Variants in PCM1 observed in about 807,000 individuals in gnomAD.
PCM1 encodes the protein pericentriolar material 1 protein.
PCM1 carries 157 observed loss-of-function variants against 241.9 expected under a neutral mutation model. The observed-to-expected ratio is 0.65, with a 90% confidence interval of 0.57 to 0.74. PCM1 has a LOEUF of 0.74. Ranked by LOEUF, PCM1 falls within the 30% of genes least tolerant of loss-of-function variation. The probability of loss-of-function intolerance (pLI) is 0.00; values close to 1 mark genes in which losing one functional copy is unlikely to be tolerated. For missense variants in PCM1, 3,478 were observed against 2,360.1 expected, an observed-to-expected ratio of 1.47 and a Z score of -9.81; for synonymous variants, 1,085 against 784.9, an observed-to-expected ratio of 1.38 and a Z score of -6.39.
chr8:17,946,157 G>T (rs6586673), intron 6 of PCM1, among the ~76,000 whole-genome samples: 30,525 of 151,900 alleles, frequency 0.2, 3,938 homozygotes, highest in East Asian at 0.38. Flanking sequence ...TTTTGTAAGT[G>T]CCACTTATTT....
At chr8:17,966,524 A>G (rs2129469724) in intron 20 of PCM1, 51 bp downstream of exon 20, 1 of 1,544,080 alleles carries the variant, frequency 6.5e-7, no homozygotes, top group East Asian at 2.3e-5. Context: ...AACATTGAGC[A>G]GAGGTTTTAC....
chr8:17,968,049 C>T (rs1440128050), intron 21 of PCM1, among the ~76,000 whole-genome samples: 1 of 140,566 alleles, frequency 7.1e-6, no homozygotes, highest in Admixed American at 6.8e-5. Context: ...AAATCAGTTC[C>T]GCCGCCAAAA....
intron 7 of PCM1, among the ~76,000 whole-genome samples, chr8:17,949,250 C>A (rs889468189): frequency 6.6e-6 from 1 of 151,962 alleles, no homozygotes; most frequent in South Asian, 2.1e-4. Context: ...TGGAAAGCTA[C>A]AATTACAGTA....
chr8:17,957,070 C>G (rs1302694637), intron 11 of PCM1, among the ~76,000 whole-genome samples, 194 bp from the exon 12 acceptor site: 1 of 152,076 alleles, frequency 6.6e-6, no homozygotes, highest in African/African-American at 2.4e-5. Context: ...TTCATTTTTT[C>G]AGATGTTTTT....
At chr8:18,013,155 G>A (rs367983379) in intron 34 of PCM1, among the ~76,000 whole-genome samples, 7 of 152,040 alleles carry the variant, frequency 4.6e-5, no homozygotes, top group Non-Finnish European at 5.9e-5. Flanking sequence ...CTTCACTGTC[G>A]TCCTGCCTGG....
intron 12 of PCM1, 48 bp downstream of exon 12, chr8:17,957,469 A>G (rs752549048): frequency 6.2e-7 from 1 of 1,607,282 alleles, no homozygotes; most frequent in Non-Finnish European, 8.5e-7. Flanking sequence ...TATTCTTACA[A>G]AGTGGGTTTT....
chr8:17,972,553 C>G lies in PCM1; in HGVS notation c.3809C>G (p.Pro1270Arg). 6.2e-7 allele frequency: 1 copy of G among 1,613,704 alleles called. No homozygotes were observed. The highest frequency in any genetic ancestry group is 8.5e-7 in the Non-Finnish European group (1 of 1,179,706). Residue 1270 changes from proline (P) to arginine (R), a missense_variant, in exon 23 of 39, where the codon CCA (proline) becomes CGA (arginine). Physicochemically the swap from Pro to Arg is moderately radical, Grantham distance 103 (BLOSUM62 -2). Transcript: ENST00000325083. The stretch of plus-strand genomic sequence containing the variant: ...AGCAGTATGCCTGATCCAGTAGATC[C>G]AACAACAGTGACTAAAACATTCAAG... ...SFSSMPDPVDPTTVTKTFKTR... is the reference protein window; with the variant it reads ...SFSSMPDPVDRTTVTKTFKTR...
At chr8:17,993,384 A>G (rs2085468279) in intron 28 of PCM1, 99 bp from the exon 29 acceptor site, 1 of 800,104 alleles carries the variant, frequency 1.2e-6, no homozygotes, top group African/African-American at 1.8e-5. Context: ...TGTTAGCATA[A>G]AATCATCAAA....
rs901733855 is a variant in PCM1 at position 17,991,427 on chromosome 8, G to T, written c.4532-115G>T. The T allele has an allele frequency of 9.0e-6, 7 of 781,334 alleles. No individual in the cohort carries two copies. In the African/African-American group the frequency reaches 1.2e-4, roughly 14 times the overall value. The allele number at this position is 781,334 out of a possible 1,614,324, so 48.4% of individuals were successfully genotyped here. A position where few individuals can be genotyped will look rare whatever the true frequency, so the allele number is the denominator to read the frequency against. ...TCAAGTAGTATAGTGTGTAGAACTTGTTAAAGCTAATTTTCCTCCCTTTTG... is the reference window on the plus strand; with the variant it reads ...TCAAGTAGTATAGTGTGTAGAACTTTTTAAAGCTAATTTTCCTCCCTTTTG... On this transcript the variant is annotated intron_variant, in intron 27 of 38. Coordinates refer to ENST00000325083, the MANE Select transcript of PCM1 (RefSeq NM_006197.4).
At chr8:17,986,922 C>A (rs975332031) in intron 26 of PCM1, among the ~76,000 whole-genome samples, 7 of 151,912 alleles carry the variant, frequency 4.6e-5, no homozygotes, top group African/African-American at 1.7e-4. Flanking sequence ...AGTGTTAATA[C>A]TAAGTTTTTT....
chr8:17,936,880 T>C (rs894627068), intron 3 of PCM1, among the ~76,000 whole-genome samples: 1 of 152,198 alleles, frequency 6.6e-6, no homozygotes, highest in Non-Finnish European at 1.5e-5. Flanking sequence ...GGGTTGGCAT[T>C]TGAGGATTTG....
chr8:18,022,988 T>C (rs987761914), intron 36 of PCM1, among the ~76,000 whole-genome samples: 10 of 150,208 alleles, frequency 6.7e-5, no homozygotes, highest in African/African-American at 2.3e-4. Flanking sequence ...CATAGAAGTG[T>C]TTTTTTATTC....
Position 17,967,256 on chromosome 8 carries a change from T to G in PCM1, c.3412+86T>G, listed in dbSNP as rs180830538. 1,994 of 958,622 alleles carry G rather than the reference T, an allele frequency of 2.1e-3. 9 individuals are homozygous for G. The highest frequency in any genetic ancestry group is 2.3e-3 in the Non-Finnish European group (1,533 of 655,224). 59.4% of individuals were successfully genotyped at this position (958,622 alleles called of 1,614,324 possible). A position where few individuals can be genotyped will look rare whatever the true frequency, so the allele number is the denominator to read the frequency against. Reference sequence around the variant, plus strand: ...TGTCTATTGCCTAGATGTTTTAACATTTTCTTTTGGAGTGGGGTAGGAAAT... The same window carrying G: ...TGTCTATTGCCTAGATGTTTTAACAGTTTCTTTTGGAGTGGGGTAGGAAAT... On this transcript the variant is annotated intron_variant, in intron 21 of 38. Transcript: ENST00000325083.
intron 9 of PCM1, 106 bp from the exon 10 acceptor site, chr8:17,955,364 G>C: frequency 1.4e-6 from 1 of 698,980 alleles, no homozygotes; most frequent in Non-Finnish European, 2.3e-6. Context: ...CAGAAATTAA[G>C]TTGTTAATTT....
chr8:17,987,986 A>G (rs905292658), intron 26 of PCM1, among the ~76,000 whole-genome samples: 1 of 151,734 alleles, frequency 6.6e-6, no homozygotes, highest in Non-Finnish European at 1.5e-5. Context: ...TTACAAACGT[A>G]TATTAAGATG....
chr8:17,955,162 T>C (rs1044035507), intron 9 of PCM1, among the ~76,000 whole-genome samples: 2 of 152,140 alleles, frequency 1.3e-5, no homozygotes, highest in African/African-American at 4.8e-5. Flanking sequence ...ACTTCTCTAG[T>C]TAGTTTTCCA....
rs114905040 is a variant in PCM1, at chr8:17,989,584, C to T, written c.4411-275C>T. 7.6e-3 allele frequency among the ~76,000 whole-genome samples: 1,152 copies of T among 151,934 alleles called. 10 individuals carry two copies. Among genetic ancestry groups the T allele is most frequent in the African/African-American group, 0.027 (1,106 of 41,486 alleles). On this transcript the variant is annotated intron_variant, in intron 26 of 38. Transcript: ENST00000325083. ...GAAATAATGTAAAATGTTAACTTTG[C>T]CAAATTAGAATTTAATCAGTAGCTG...
At chr8:17,924,854 A>C (rs1228382291) in intron 2 of PCM1, 74 bp downstream of exon 2, 1 of 152,170 alleles carries the variant, frequency 6.6e-6, no homozygotes, top group Non-Finnish European at 1.5e-5. Flanking sequence ...CACTGCTGTC[A>C]CAGTTACAGT....
chr8:18,017,630 G>C (rs1030786768), intron 36 of PCM1, among the ~76,000 whole-genome samples: 23 of 152,156 alleles, frequency 1.5e-4, no homozygotes, highest in African/African-American at 5.6e-4. Context: ...AAGGCAGGCA[G>C]ATCACCTGAG....
Sources: allele counts gnomAD v4.1 joint callset (sites outside exome capture counted in the v4.1 genomes callset), GRCh38; gene constraint gnomAD v4.1.1; transcripts MANE v1.5; gene names NCBI Gene and HGNC (gene_info 2026-07-23, HGNC 2026-07-21).